The following PCDH15 variants were observed in gnomAD, a reference collection of about 807,000 sequenced individuals.
The protein encoded by PCDH15 is protocadherin-15.
A neutral mutation model predicts 178.5 loss-of-function variants in PCDH15; 129 were observed. The ratio of observed to expected loss-of-function variants is 0.72; its 90% CI spans 0.63 to 0.84. The LOEUF (loss-of-function observed/expected upper bound fraction) is 0.84. Ranked by LOEUF, PCDH15 falls within the 40% of genes least tolerant of loss-of-function variation. The pLI is 0.00. For synonymous variants in PCDH15, 800 were observed against 732.0 expected (o/e 1.09, Z -1.50); for missense variants, 2,230 against 2,099.9 (o/e 1.06, Z -1.21).
At chr10:54,932,425 C>T (rs1564640333) in intron 2 of PCDH15, among the ~76,000 whole-genome samples, 1 of 152,108 alleles carries the variant, frequency 6.6e-6, no homozygotes, top group Non-Finnish European at 1.5e-5. Flanking sequence ...TTTAAGCTAA[C>T]TCTCATTGCA....
intron 1 of PCDH15, among the ~76,000 whole-genome samples, chr10:55,256,666 G>C (rs1592026406): frequency 6.6e-6 from 1 of 152,174 alleles, no homozygotes; most frequent in African/African-American, 2.4e-5. Flanking sequence ...AGGCGGCAGC[G>C]AGGCTGGGGG....
rs569762323 is a variant in PCDH15 at position 54,237,020 on chromosome 10, A to G, written c.877-89T>C. On this transcript the variant is annotated intron_variant, in intron 8 of 37. Coordinates refer to ENST00000644397, the MANE Select transcript of PCDH15 (RefSeq NM_001384140.1). ...CAGATGCTTTAGTTTGGAAATCTAT[A>G]TAACGTCTGAGACAGTAAACTCAAG... The G allele has an allele frequency of 1.0e-3, 1,122 of 1,095,620 alleles. 1 individual carries two copies. Among genetic ancestry groups the G allele is most frequent in the Non-Finnish European group, 3.9e-4 (277 of 708,112 alleles). 67.9% of individuals were successfully genotyped at this position (1,095,620 alleles called of 1,614,324 possible).
intron 2 of PCDH15, among the ~76,000 whole-genome samples, chr10:55,005,100 G>A (rs1839893024): frequency 6.6e-6 from 1 of 151,800 alleles, no homozygotes; most frequent in Non-Finnish European, 1.5e-5. Context: ...AGCGAGGGGT[G>A]ATGGTACGTT....
chr10:54,720,689 ACTAT>A (rs141161415), intron 1 of PCDH15, among the ~76,000 whole-genome samples: 18,491 of 151,984 alleles, frequency 0.12, 1,245 homozygotes, highest in African/African-American at 0.17. Context: ...ACAAGGTTTA[ACTAT>A]CTATCCTAAA....
At chr10:54,115,272 C>A (rs1365316727) in intron 15 of PCDH15, among the ~76,000 whole-genome samples, 1 of 152,118 alleles carries the variant, frequency 6.6e-6, no homozygotes, top group Non-Finnish European at 1.5e-5. Context: ...ATAAAGTTGC[C>A]ATTTACTGGG....
intron 8 of PCDH15, among the ~76,000 whole-genome samples, chr10:54,307,092 A>ATG (rs1209050345): frequency 2.2e-4 from 4 of 18,372 alleles, no homozygotes; most frequent in African/African-American, 8.0e-4. Context: ...ATATATATAT[A>ATG]TGTGTGTGTG....
intron 2 of PCDH15, among the ~76,000 whole-genome samples, chr10:55,156,583 T>C (rs927942518): frequency 8.5e-5 from 13 of 152,134 alleles, no homozygotes; most frequent in African/African-American, 2.2e-4. Flanking sequence ...GCAATAAATA[T>C]ACCTACGTGC....
rs1046119602 is a variant in PCDH15 at position 53,852,595 on chromosome 10, C to T, written c.3806+4580G>A. On this transcript the variant is annotated intron_variant, in intron 28 of 37. Transcript: ENST00000644397. ...CAAGCATTCCATTTTCCAGGTACTGCGGTCTTAGCTATCAAAGTGTACTGA... is the reference window on the plus strand; with the variant it reads ...CAAGCATTCCATTTTCCAGGTACTGTGGTCTTAGCTATCAAAGTGTACTGA... Among the ~76,000 whole-genome samples, 7 of 152,172 alleles carry T rather than the reference C, an allele frequency of 4.6e-5. No homozygotes were observed. In the South Asian group the frequency reaches 1.0e-3, roughly 23 times the overall value.
intron 2 of PCDH15, among the ~76,000 whole-genome samples, chr10:55,326,916 G>A (rs1382733114): frequency 1.3e-5 from 2 of 152,098 alleles, no homozygotes; most frequent in South Asian, 2.1e-4. Context: ...AAATGATGCT[G>A]GAATGGTTAC....
chr10:53,818,532 G>T (rs2076145483), intron 33 of PCDH15: 1 of 151,896 alleles, frequency 6.6e-6, no homozygotes, highest in Admixed American at 6.6e-5. Context: ...GGCTGTCCTT[G>T]CAGGGTCAAT....
intron 11 of PCDH15, among the ~76,000 whole-genome samples, chr10:54,187,400 A>C (rs762687368): frequency 6.5e-4 from 99 of 151,938 alleles, no homozygotes; most frequent in Non-Finnish European, 1.1e-3. Context: ...TAGTGTGTCC[A>C]AATGTGACTG....
chr10:55,227,961 T>C (rs1436609676), intron 1 of PCDH15, among the ~76,000 whole-genome samples: 1 of 152,076 alleles, frequency 6.6e-6, no homozygotes, highest in Non-Finnish European at 1.5e-5. Context: ...CCCTTGACTG[T>C]TTGTCCTGGG....
chr10:54,339,365 A>C (rs891654977), intron 6 of PCDH15, among the ~76,000 whole-genome samples: 2 of 138,266 alleles, frequency 1.4e-5, no homozygotes, highest in African/African-American at 3.2e-5. Flanking sequence ...GCATTAAACA[A>C]AAAAAAAAAT....
At position 55,350,264 on chromosome 10, in the gene PCDH15, TATATAC is replaced by T. The variant is rs1404220844; in HGVS notation, c.-155-183619_-155-183614del. ...ATATATATATATATATATATATATA[TATATAC>T]ACACACACACACACACATACATACA... On this transcript the variant is annotated intron_variant, in intron 2 of 5. Transcript: ENST00000613346. Among the ~76,000 whole-genome samples, 225 of 62,814 alleles carry T rather than the reference TATATAC, an allele frequency of 3.6e-3. 1 individual carries two copies. The highest frequency in any genetic ancestry group is 4.5e-3 in the Non-Finnish European group (155 of 34,768). The allele number at this position is 62,814 out of a possible 152,430, so 41.2% of individuals were successfully genotyped here. A position where few individuals can be genotyped will look rare whatever the true frequency, so the allele number is the denominator to read the frequency against.
At chr10:54,332,036 G>C (rs1392956554) in intron 6 of PCDH15, among the ~76,000 whole-genome samples, 1 of 150,488 alleles carries the variant, frequency 6.6e-6, no homozygotes, top group East Asian at 1.9e-4. Flanking sequence ...AGCCATTTGG[G>C]GACTATTGAT....
chr10:54,042,553 A>C (rs2093570906), intron 18 of PCDH15, among the ~76,000 whole-genome samples: 1 of 150,672 alleles, frequency 6.6e-6, no homozygotes, highest in Admixed American at 6.6e-5. Context: ...GGCAGAGGTA[A>C]CAACAAGTAC....
chr10:55,382,600 G>T (rs1344341082), intron 2 of PCDH15, among the ~76,000 whole-genome samples: 1 of 152,160 alleles, frequency 6.6e-6, no homozygotes, highest in East Asian at 1.9e-4. Context: ...ACACGTGTTG[G>T]ATTATATCCT....
intron 26 of PCDH15, among the ~76,000 whole-genome samples, chr10:53,893,034 T>C (rs1399104422): frequency 3.9e-5 from 6 of 152,206 alleles, no homozygotes; most frequent in Admixed American, 6.5e-5. Context: ...AAAGTCAGTA[T>C]ACCACAATTT....
intron 25 of PCDH15, among the ~76,000 whole-genome samples, chr10:53,930,225 G>A (rs1411401477): frequency 4.6e-5 from 7 of 151,936 alleles, no homozygotes; most frequent in Admixed American, 6.6e-5. Context: ...TTGGGAGGCC[G>A]AGGCGGGCAG....
Sources: gnomAD v4.1 joint callset for allele counts (sites outside exome capture counted in the v4.1 genomes callset) on GRCh38, gnomAD v4.1.1 for gene constraint, MANE v1.5 for transcripts, NCBI Gene and HGNC (gene_info 2026-07-23, HGNC 2026-07-21) for gene names.